Variants in DOCK2 observed in about 807,000 individuals in gnomAD.
DOCK2 encodes dedicator of cytokinesis 2, also known as dedicator of cytokinesis protein 2.
A neutral mutation model predicts 248.9 loss-of-function variants in DOCK2; 87 were observed. That is an observed-to-expected ratio of 0.35 (90% CI 0.29 to 0.42). DOCK2 has a LOEUF of 0.42. Ranked by LOEUF, DOCK2 falls within the 10% of genes least tolerant of loss-of-function variation. The probability of loss-of-function intolerance (pLI) is 1.00; values close to 1 mark genes in which losing one functional copy is unlikely to be tolerated. For missense variants in DOCK2, 1,747 were observed against 2,300.2 expected, an observed-to-expected ratio of 0.76 and a Z score of 4.92; for synonymous variants, 805 against 821.6, an observed-to-expected ratio of 0.98 and a Z score of 0.35.
At chr5:170,073,274 C>T (rs1012964408) in intron 46 of DOCK2, among the ~76,000 whole-genome samples, 2 of 152,016 alleles carry the variant, frequency 1.3e-5, no homozygotes, top group Non-Finnish European at 2.9e-5. Flanking sequence ...CCCAAATTGA[C>T]CATATATGTG....
rs115108022 is a variant in DOCK2 at position 169,838,175 on chromosome 5, T to G, written c.2704-2582T>G. On this transcript the variant is annotated intron_variant, in intron 26 of 51. Coordinates refer to ENST00000520908, the MANE Select transcript of DOCK2 (RefSeq NM_004946.3). ...AATTGAAGGCAGGGTCTATCCATCT[T>G]GACAGATGGAAGGTGGATGATGAAA... Among the ~76,000 whole-genome samples, 328 of 152,250 alleles carry G rather than the reference T, an allele frequency of 2.2e-3. 2 individuals carry two copies. Among genetic ancestry groups the G allele is most frequent in the African/African-American group, 7.1e-3 (296 of 41,548 alleles).
chr5:170,076,128 G>A (rs770479278), intron 47 of DOCK2, 44 bp downstream of exon 47: 2 of 1,599,342 alleles, frequency 1.3e-6, no homozygotes, highest in Admixed American at 1.7e-5. Context: ...ATTGTGCAGG[G>A]TGGGGCAGGG....
intron 27 of DOCK2, among the ~76,000 whole-genome samples, chr5:169,898,291 A>T (rs1458221808): frequency 1.3e-5 from 2 of 152,174 alleles, no homozygotes; most frequent in South Asian, 2.1e-4. Flanking sequence ...GGGAAGGGCC[A>T]TATATTGCTC....
chr5:169,983,537 T>A (rs1387532262), intron 28 of DOCK2, among the ~76,000 whole-genome samples: 1 of 152,220 alleles, frequency 6.6e-6, no homozygotes, highest in African/African-American at 2.4e-5. Flanking sequence ...CTTATTAAGA[T>A]CACAAATGCC....
intron 23 of DOCK2, among the ~76,000 whole-genome samples, chr5:169,759,445 G>T (rs1764358216): frequency 6.6e-6 from 1 of 152,224 alleles, no homozygotes; most frequent in African/African-American, 2.4e-5. Context: ...AGAATTTGCA[G>T]ATCTATAGAA....
intron 27 of DOCK2, among the ~76,000 whole-genome samples, chr5:169,880,745 C>A (rs1315664088): frequency 1.3e-5 from 2 of 152,162 alleles, no homozygotes; most frequent in Non-Finnish European, 2.9e-5. Context: ...ATTAAGTTAG[C>A]TGATGGCAGA....
chr5:169,956,372 T>C (rs1468772381), intron 27 of DOCK2, among the ~76,000 whole-genome samples: 2 of 152,224 alleles, frequency 1.3e-5, no homozygotes, highest in African/African-American at 2.4e-5. Flanking sequence ...AAGAGGCTGC[T>C]CCTGATCTCA....
intron 26 of DOCK2, among the ~76,000 whole-genome samples, chr5:169,832,717 T>C (rs1186980934): frequency 6.6e-6 from 1 of 152,216 alleles, no homozygotes; most frequent in Non-Finnish European, 1.5e-5. Context: ...ATATTTTCTT[T>C]CTAGGTGTTT....
chr5:169,772,746 T>A (rs990809820), intron 25 of DOCK2, among the ~76,000 whole-genome samples: 13 of 152,222 alleles, frequency 8.5e-5, no homozygotes, highest in Non-Finnish European at 1.9e-4. Context: ...CCTCTTCCCA[T>A]TGAAAAATAT....
At chr5:170,056,886 A>G (rs373702070) in intron 43 of DOCK2, 118 bp downstream of exon 43, 30 of 841,210 alleles carry the variant, frequency 3.6e-5, no homozygotes, top group African/African-American at 2.9e-4. Context: ...AATAAAGCCA[A>G]CCTCCATGGA....
intron 22 of DOCK2, among the ~76,000 whole-genome samples, chr5:169,725,822 C>A (rs914798868): frequency 2.6e-5 from 4 of 152,260 alleles, no homozygotes; most frequent in African/African-American, 4.8e-5. Context: ...CATGTCCCTG[C>A]AAAGGACATG....
chr5:170,063,118 C>T lies in DOCK2; in HGVS notation c.4468-4392C>T, dbSNP rs182704337. On this transcript the variant is annotated intron_variant, in intron 44 of 51. Coordinates refer to ENST00000520908, the MANE Select transcript of DOCK2 (RefSeq NM_004946.3). ...GCAGAGGGGACTGGCATATGCATGTCGCCAAAGACCACAGGAAAAAAAAGC... is the reference window on the plus strand; with the variant it reads ...GCAGAGGGGACTGGCATATGCATGTTGCCAAAGACCACAGGAAAAAAAAGC... Among the ~76,000 whole-genome samples, 204 of 152,126 alleles carry T rather than the reference C, an allele frequency of 1.3e-3. 1 individual carries two copies. In the South Asian group the frequency reaches 0.016, roughly 12 times the overall value.
rs903239645 is a variant in DOCK2 at position 170,027,906 on chromosome 5, G to C, written c.3425G>C (p.Gly1142Ala). Reference sequence around the variant, plus strand: ...CTGAAGCTGGACCACGAGGTAGAAGGGGGCCGAGGCGACGAGCAGTACATG... The same window carrying C: ...CTGAAGCTGGACCACGAGGTAGAAGCGGGCCGAGGCGACGAGCAGTACATG... The part of the protein sequence containing the change: ...IILKLDHEVE[G>A]GRGDEQYMQL... The change falls in exon 34 of 52, where the codon GGG becomes GCG. Residue 1142 changes from glycine (G) to alanine (A), a missense_variant. Gly to Ala is a moderately conservative substitution (Grantham distance 60, BLOSUM62 0). Coordinates refer to ENST00000520908, the MANE Select transcript of DOCK2 (RefSeq NM_004946.3). The C allele has an allele frequency of 1.9e-6, 3 of 1,613,430 alleles. No homozygotes were observed. The highest frequency in any genetic ancestry group is 2.7e-5 in the African/African-American group (2 of 74,906).
intron 23 of DOCK2, among the ~76,000 whole-genome samples, chr5:169,751,235 G>T (rs2113702846): frequency 1.3e-5 from 2 of 152,268 alleles, no homozygotes; most frequent in Admixed American, 1.3e-4. Context: ...GGGCATTTGT[G>T]TTCCTAATTT....
Position 169,764,599 on chromosome 5 carries a change from A to G in DOCK2, c.2554+2974A>G, listed in dbSNP as rs1352442918. Reference sequence around the variant, plus strand: ...ATGCATTTAAAGTACTTGACACAGCACTGGGCTCAGCATAATGTTTCATAC... The same window carrying G: ...ATGCATTTAAAGTACTTGACACAGCGCTGGGCTCAGCATAATGTTTCATAC... On this transcript the variant is annotated intron_variant, in intron 25 of 51. Transcript: ENST00000520908. The surrounding 1 kb of genome is among the most constrained non-coding windows in gnomAD (Gnocchi z 4.3). Among the ~76,000 whole-genome samples the G allele has an allele frequency of 2.0e-5, 3 of 152,224 alleles. No homozygotes were observed. The highest frequency in any genetic ancestry group is 4.4e-5 in the Non-Finnish European group (3 of 68,036).
At chr5:169,659,657 T>C (rs1758333582) in intron 2 of DOCK2, among the ~76,000 whole-genome samples, 1 of 152,238 alleles carries the variant, frequency 6.6e-6, no homozygotes. Context: ...TAGTTCAAGA[T>C]GGTACTCATG....
intron 25 of DOCK2, among the ~76,000 whole-genome samples, chr5:169,792,595 T>C (rs73322076): frequency 0.15 from 22,191 of 151,932 alleles, 2,463 homozygotes; most frequent in African/African-American, 0.31. Context: ...TGCAGGTGCA[T>C]GCCCAGCACC....
At chr5:169,686,680 A>C (rs1185249421) in intron 8 of DOCK2, among the ~76,000 whole-genome samples, 1 of 152,234 alleles carries the variant, frequency 6.6e-6, no homozygotes, top group Non-Finnish European at 1.5e-5. Context: ...ATCGACATAC[A>C]GTGAACAACA....
chr5:169,831,761 G>T (rs760202655), intron 26 of DOCK2, among the ~76,000 whole-genome samples: 7 of 152,182 alleles, frequency 4.6e-5, no homozygotes, highest in Non-Finnish European at 1.0e-4. Context: ...CTCAGTGTTG[G>T]AATTAGCTAT....
Sources: allele counts gnomAD v4.1 joint callset (sites outside exome capture counted in the v4.1 genomes callset), GRCh38; gene constraint gnomAD v4.1.1; non-coding constraint Gnocchi (gnomAD v3.1); transcripts MANE v1.5; gene names NCBI Gene and HGNC (gene_info 2026-07-23, HGNC 2026-07-21).